Variants in GPC5 observed in about 807,000 individuals in gnomAD.
GPC5 encodes glypican 5, also known as glypican-5.
In GPC5, 47 loss-of-function variants were observed where a neutral mutation model predicts 53.9. The observed-to-expected ratio is 0.87, with a 90% confidence interval of 0.69 to 1.11. The LOEUF (loss-of-function observed/expected upper bound fraction) is 1.11. Ranked by LOEUF, GPC5 falls within the 50% of genes most tolerant of loss-of-function variation. The pLI is 0.00. For missense variants in GPC5, 748 were observed against 713.1 expected (o/e 1.05, Z -0.56); for synonymous variants, 286 against 263.3 (o/e 1.09, Z -0.84).
At chr13:92,040,631 C>T (rs1176086127) in intron 6 of GPC5, among the ~76,000 whole-genome samples, 3 of 152,134 alleles carry the variant, frequency 2.0e-5, no homozygotes, top group Admixed American at 6.5e-5. Context: ...TTACAATTTC[C>T]ACTTTGCAAA....
At chr13:92,589,551 A>G (rs1883652026) in intron 7 of GPC5, among the ~76,000 whole-genome samples, 1 of 152,200 alleles carries the variant, frequency 6.6e-6, no homozygotes, top group African/African-American at 2.4e-5. Context: ...TAAACATCAT[A>G]AAATTGTTAG....
At chr13:92,602,608 C>A (rs1367243669) in intron 7 of GPC5, among the ~76,000 whole-genome samples, 1 of 152,078 alleles carries the variant, frequency 6.6e-6, no homozygotes, top group Non-Finnish European at 1.5e-5. Context: ...TAGGTTCTTG[C>A]AGACTCTTTC....
chr13:92,401,743 G>T (rs1875567451), intron 7 of GPC5, among the ~76,000 whole-genome samples: 1 of 152,066 alleles, frequency 6.6e-6, no homozygotes, highest in Non-Finnish European at 1.5e-5. Context: ...ACTTTTACTG[G>T]AGATACCAAC....
intron 4 of GPC5, among the ~76,000 whole-genome samples, chr13:91,747,497 C>T (rs1198570162): frequency 6.6e-6 from 1 of 152,196 alleles, no homozygotes; most frequent in African/African-American, 2.4e-5. Context: ...GTGTACAAAG[C>T]TGGGCATTAG....
chr13:91,487,630 G>C (rs1883689084), intron 2 of GPC5, among the ~76,000 whole-genome samples: 1 of 152,146 alleles, frequency 6.6e-6, no homozygotes, highest in Admixed American at 6.5e-5. Flanking sequence ...GGAGCCTTTA[G>C]CATCTTTATT....
chr13:92,196,325 G>A (rs1040600922), intron 7 of GPC5, among the ~76,000 whole-genome samples: 3 of 151,964 alleles, frequency 2.0e-5, no homozygotes, highest in African/African-American at 4.8e-5. Flanking sequence ...TATTTTAAAG[G>A]TATGTACTTC....
chr13:92,246,865 T>C (rs1055069880), intron 7 of GPC5, among the ~76,000 whole-genome samples: 8 of 152,178 alleles, frequency 5.3e-5, no homozygotes, highest in African/African-American at 1.9e-4. Flanking sequence ...TTATAAGAGA[T>C]TGAGTACACT....
At chr13:92,662,660 G>A (rs530792057) in intron 7 of GPC5, among the ~76,000 whole-genome samples, 1 of 152,166 alleles carries the variant, frequency 6.6e-6, no homozygotes, top group African/African-American at 2.4e-5. Context: ...TGCTTAAAAA[G>A]GTCGTGAAGT....
chr13:91,795,632 G>A (rs1381693164), intron 5 of GPC5, among the ~76,000 whole-genome samples: 1 of 152,112 alleles, frequency 6.6e-6, no homozygotes, highest in Non-Finnish European at 1.5e-5. Flanking sequence ...TCAATAAGAT[G>A]CTTACTTACA....
intron 1 of GPC5, among the ~76,000 whole-genome samples, chr13:91,428,298 C>T (rs747825518): frequency 2.3e-4 from 35 of 152,106 alleles, no homozygotes; most frequent in Non-Finnish European, 3.5e-4. Flanking sequence ...AAGCCCTCAG[C>T]AGCAAGAGGA....
chr13:92,812,578 G>A (rs1050375840), intron 7 of GPC5, among the ~76,000 whole-genome samples: 3 of 151,856 alleles, frequency 2.0e-5, no homozygotes, highest in East Asian at 3.9e-4. Context: ...CTTTCATCAC[G>A]TTTATTCAAC....
intron 7 of GPC5, among the ~76,000 whole-genome samples, chr13:92,601,043 A>G (rs1402586093): frequency 2.0e-5 from 3 of 152,176 alleles, no homozygotes; most frequent in African/African-American, 7.2e-5. Flanking sequence ...CCAACCACTT[A>G]AATGAAATAC....
chr13:92,578,646 T>A (rs890633747), intron 7 of GPC5, among the ~76,000 whole-genome samples: 1 of 152,174 alleles, frequency 6.6e-6, no homozygotes, highest in African/African-American at 2.4e-5. Flanking sequence ...TGTTGTTTTG[T>A]TCTATCTAGT....
intron 7 of GPC5, among the ~76,000 whole-genome samples, chr13:92,333,869 T>TC (rs2043304533): frequency 6.6e-6 from 1 of 152,084 alleles, no homozygotes; most frequent in Admixed American, 6.6e-5. Flanking sequence ...TAAGGGCTCT[T>TC]AATGGATACA....
intron 2 of GPC5, among the ~76,000 whole-genome samples, chr13:91,558,369 G>A (rs760683319): frequency 1.1e-4 from 17 of 152,092 alleles, no homozygotes; most frequent in Non-Finnish European, 2.4e-4. Context: ...GGAAAGGGAA[G>A]CATATTGTTT....
At chr13:91,770,325 A>G (rs899792803) in intron 5 of GPC5, among the ~76,000 whole-genome samples, 2 of 152,156 alleles carry the variant, frequency 1.3e-5, no homozygotes, top group African/African-American at 2.4e-5. Context: ...CATCATGTAG[A>G]CATGATCAAT....
chr13:91,572,037 G>GTATATACACACATATGTA (rs1701233815), intron 2 of GPC5, among the ~76,000 whole-genome samples: 2 of 101,634 alleles, frequency 2.0e-5, no homozygotes, highest in Admixed American at 8.9e-5. Context: ...GTATATATGT[G>GTATATACACACATATGTA]TATATACACA....
At chr13:92,281,496 C>T (rs1269605511) in intron 7 of GPC5, among the ~76,000 whole-genome samples, 1 of 152,192 alleles carries the variant, frequency 6.6e-6, no homozygotes, top group Non-Finnish European at 1.5e-5. Context: ...GAGGTACACC[C>T]CAGTAGGGGG....
At chr13:92,749,571 T>C (rs182512135) in intron 7 of GPC5, among the ~76,000 whole-genome samples, 24 of 152,292 alleles carry the variant, frequency 1.6e-4, no homozygotes, top group Middle Eastern at 3.4e-3. Context: ...ATGGAGGTGA[T>C]TGATTCTGAC....
Sources: allele counts gnomAD v4.1 joint callset (sites outside exome capture counted in the v4.1 genomes callset), GRCh38; gene constraint gnomAD v4.1.1; transcripts MANE v1.5; gene names NCBI Gene and HGNC (gene_info 2026-07-23, HGNC 2026-07-21).